Variants in ADAMTS9 observed in about 807,000 individuals in gnomAD.
ADAMTS9 encodes A disintegrin and metalloproteinase with thrombospondin motifs 9.
ADAMTS9 carries 107 observed loss-of-function variants against 257.1 expected under a neutral mutation model. That is an observed-to-expected ratio of 0.42 (90% CI 0.36 to 0.49). The LOEUF (loss-of-function observed/expected upper bound fraction) is 0.49, where lower values mean the gene tolerates loss of function less well. ADAMTS9 is among the 20% of genes least tolerant of loss of function. The probability of loss-of-function intolerance (pLI) is 0.03; values close to 1 mark genes in which losing one functional copy is unlikely to be tolerated. For missense variants in ADAMTS9, 2,353 were observed against 2,469.1 expected, an observed-to-expected ratio of 0.95 and a Z score of 1.00; for synonymous variants, 982 against 880.9, an observed-to-expected ratio of 1.11 and a Z score of -2.03.
At chr3:64,648,146 G>T in intron 10 of ADAMTS9, 102 bp from the exon 11 acceptor site, 1 of 992,588 alleles carries the variant, frequency 1.0e-6, no homozygotes. Context: ...CAATGACATA[G>T]GGTAAGTGGG....
intron 3 of ADAMTS9, among the ~76,000 whole-genome samples, chr3:64,659,499 G>A (rs112349870): frequency 0.05 from 7,509 of 149,136 alleles, 616 homozygotes; most frequent in African/African-American, 0.17. Context: ...AAAAGGAAAT[G>A]TTTCATATAT....
intron 16 of ADAMTS9, among the ~76,000 whole-genome samples, 153 bp from the exon 17 acceptor site, chr3:64,622,739 C>A (rs1010904967): frequency 6.6e-6 from 1 of 152,170 alleles, no homozygotes; most frequent in African/African-American, 2.4e-5. Flanking sequence ...AAGTTTGCTA[C>A]TTGCCAGCTG....
chr3:64,598,319 ATTTTT>A (rs34859673), intron 26 of ADAMTS9, among the ~76,000 whole-genome samples: 9 of 136,296 alleles, frequency 6.6e-5, no homozygotes, highest in African/African-American at 2.4e-4. Context: ...TTCATTTCCT[ATTTTT>A]TTTTTTTTTT....
At chr3:64,545,943 G>T (rs903649501) in intron 32 of ADAMTS9, among the ~76,000 whole-genome samples, 14 of 152,022 alleles carry the variant, frequency 9.2e-5, no homozygotes, top group Non-Finnish European at 1.6e-4. Flanking sequence ...AGAGCCAGGG[G>T]GCTGTGACAG....
At chr3:64,653,109 G>C (rs545827392) in intron 8 of ADAMTS9, among the ~76,000 whole-genome samples, 1 of 152,266 alleles carries the variant, frequency 6.6e-6, no homozygotes, top group South Asian at 2.1e-4. Context: ...CAAGCATTTG[G>C]GTAAGGAATT....
intron 11 of ADAMTS9, among the ~76,000 whole-genome samples, chr3:64,645,007 T>A (rs1186101851): frequency 6.6e-6 from 1 of 152,196 alleles, no homozygotes; most frequent in Non-Finnish European, 1.5e-5. Flanking sequence ...AAGGAAGAAC[T>A]TCAGAGGAAT....
At chr3:64,611,144 G>C (rs939709634) in intron 22 of ADAMTS9, among the ~76,000 whole-genome samples, 1 of 146,256 alleles carries the variant, frequency 6.8e-6, no homozygotes. Context: ...TCCAATCCTA[G>C]ATACACATCC....
At chr3:64,546,561 G>T (rs73118199) in intron 32 of ADAMTS9, among the ~76,000 whole-genome samples, 197 bp downstream of exon 32, 1 of 152,296 alleles carries the variant, frequency 6.6e-6, no homozygotes, top group Non-Finnish European at 1.5e-5. Context: ...TGGCTTCAGA[G>T]CCCATGTTCT....
In ADAMTS9 at chr3:64,613,360, C is replaced by A. The variant is rs753340690; in HGVS notation, c.3339G>T (p.Ala1113=). ...CQQPECASWQ[A]GPWGQCSVTC... is the part of the protein sequence containing the mutation. Reference sequence around the variant, plus strand: ...TTCAAAATACCTGTCCCCAGGGACCCGCCTGCCAGGATGCACATTCCGGCT... The same window carrying A: ...TTCAAAATACCTGTCCCCAGGGACCAGCCTGCCAGGATGCACATTCCGGCT... The change falls in exon 22 of 40, where the codon GCG becomes GCT. Residue 1113 remains alanine, a synonymous_variant. Transcript: ENST00000498707. The A allele has an allele frequency of 6.2e-7, 1 of 1,613,610 alleles. No individual in the cohort carries two copies. Among genetic ancestry groups the A allele is most frequent in the South Asian group, 1.1e-5 (1 of 91,020 alleles).
At chr3:64,585,928 T>C (rs1351289242) in intron 28 of ADAMTS9, among the ~76,000 whole-genome samples, 1 of 152,108 alleles carries the variant, frequency 6.6e-6, no homozygotes, top group African/African-American at 2.4e-5. Flanking sequence ...CTTCAGAACA[T>C]TTCAAATATT....
At chr3:64,547,439 C>G (rs576268412) in intron 31 of ADAMTS9, among the ~76,000 whole-genome samples, 1 of 152,200 alleles carries the variant, frequency 6.6e-6, no homozygotes, top group South Asian at 2.1e-4. Flanking sequence ...TTTTCCTTCC[C>G]TCCGTGGTGC....
intron 14 of ADAMTS9, among the ~76,000 whole-genome samples, chr3:64,632,810 A>G (rs941428844): frequency 8.0e-5 from 12 of 149,790 alleles, no homozygotes; most frequent in Non-Finnish European, 1.3e-4. Context: ...GAACTCCAAT[A>G]TGCCTTTGGA....
rs2106785030 is a variant in ADAMTS9 at position 64,592,349 on chromosome 3, CT to C, written c.4356+1908del. On this transcript the variant is annotated intron_variant, in intron 28 of 39. Coordinates refer to ENST00000498707, the MANE Select transcript of ADAMTS9 (RefSeq NM_182920.2). ...CTAGAGCATTATAATTTCTTTCTCTCTCTCTCTTTCTTCCTCTGTTTCAGAG... is the reference window on the plus strand; with the variant it reads ...CTAGAGCATTATAATTTCTTTCTCTCCTCTCTTTCTTCCTCTGTTTCAGAG... The C allele has an allele frequency of 1.3e-5, 2 of 152,292 alleles. 1 individual carries two copies. Among genetic ancestry groups the C allele is most frequent in the South Asian group, 4.1e-4 (2 of 4,830 alleles). 9.4% of individuals were successfully genotyped at this position (152,292 alleles called of 1,614,324 possible).
At chr3:64,647,802 A>C (rs574006188) in intron 11 of ADAMTS9, 138 bp downstream of exon 11, 1 of 626,506 alleles carries the variant, frequency 1.6e-6, no homozygotes, top group East Asian at 3.1e-5. Flanking sequence ...ACTTCTAAAC[A>C]TCTGTCCTCT....
At chr3:64,614,321 C>A (rs1004168249) in intron 21 of ADAMTS9, among the ~76,000 whole-genome samples, 2 of 152,098 alleles carry the variant, frequency 1.3e-5, no homozygotes, top group Admixed American at 6.6e-5. Context: ...AATTTGTTAA[C>A]CTAGAACTAA....
intron 3 of ADAMTS9, among the ~76,000 whole-genome samples, chr3:64,673,769 G>T (rs1701553772): frequency 6.6e-6 from 1 of 151,998 alleles, no homozygotes. Context: ...ACTTTTCAAA[G>T]ATTTATCATG....
intron 29 of ADAMTS9, among the ~76,000 whole-genome samples, chr3:64,567,223 C>T (rs913152527): frequency 5.9e-5 from 9 of 152,064 alleles, no homozygotes; most frequent in Middle Eastern, 3.2e-3. Flanking sequence ...CATTAATGTA[C>T]GCTATGACCA....
chr3:64,630,197 A>C (rs9838262), intron 16 of ADAMTS9, among the ~76,000 whole-genome samples: 5 of 151,850 alleles, frequency 3.3e-5, no homozygotes, highest in African/African-American at 1.2e-4. Context: ...TCTACTCTCC[A>C]TGTCCTCTTT....
At chr3:64,539,425 T>C in intron 36 of ADAMTS9, 131 bp from the exon 37 acceptor site, 1 of 750,454 alleles carries the variant, frequency 1.3e-6, no homozygotes. Flanking sequence ...AAAGAAGCAA[T>C]GTGAAATATT....
Sources: allele counts gnomAD v4.1 joint callset (sites outside exome capture counted in the v4.1 genomes callset), GRCh38; gene constraint gnomAD v4.1.1; transcripts MANE v1.5; gene names NCBI Gene and HGNC (gene_info 2026-07-23, HGNC 2026-07-21).